The following LYPLAL1 variants were observed in gnomAD, a reference collection of about 807,000 sequenced individuals.
LYPLAL1 encodes lysophospholipase like 1.
A neutral mutation model predicts 19.7 loss-of-function variants in LYPLAL1; 23 were observed. That is an observed-to-expected ratio of 1.17 (90% CI 0.84 to 1.65). The LOEUF (loss-of-function observed/expected upper bound fraction) is 1.65, where lower values mean the gene tolerates loss of function less well. LYPLAL1 is among the 40% of genes most tolerant of loss of function. The pLI is 0.00. For missense variants in LYPLAL1, 355 were observed against 279.4 expected (o/e 1.27, Z -1.93); for synonymous variants, 119 against 96.3 (o/e 1.24, Z -1.38).
chr1:219,176,245 A>G lies in LYPLAL1; in HGVS notation c.91+2264A>G, dbSNP rs576705768. Among the ~76,000 whole-genome samples, 17 of 152,318 alleles carry G rather than the reference A, an allele frequency of 1.1e-4. No homozygotes were observed. The South Asian group carries it at 2.9e-3, about 26-fold the overall frequency. On this transcript the variant is annotated intron_variant, in intron 1 of 4. Coordinates refer to ENST00000366928, the MANE Select transcript of LYPLAL1 (RefSeq NM_138794.5). ...TAATGAGTTTTGTTCAGTCTCTCAG[A>G]TCAGATTAATTCACTCTTATTTGCT...
At chr1:219,201,362 T>C (rs1658084655) in intron 3 of LYPLAL1, among the ~76,000 whole-genome samples, 2 of 151,908 alleles carry the variant, frequency 1.3e-5, no homozygotes, top group Non-Finnish European at 2.9e-5. Flanking sequence ...ATCTGGAGTT[T>C]ATTTTTGTTT....
At chr1:219,227,736 A>G in the LYPLAL1 span, among the ~76,000 whole-genome samples, 1 of 152,242 alleles carries the variant, frequency 6.6e-6, no homozygotes, top group Non-Finnish European at 1.5e-5. Context: ...ATGTTATTAT[A>G]TCACCCTTTC....
chr1:219,204,600 A>G (rs937432610), intron 3 of LYPLAL1, among the ~76,000 whole-genome samples: 3 of 152,214 alleles, frequency 2.0e-5, no homozygotes, highest in African/African-American at 7.2e-5. Context: ...AATTGCCATT[A>G]CATGTCAGTG....
At chr1:219,202,407 C>T (rs562616443) in intron 3 of LYPLAL1, among the ~76,000 whole-genome samples, 11 of 152,166 alleles carry the variant, frequency 7.2e-5, no homozygotes, top group Non-Finnish European at 1.2e-4. Context: ...CAGCTGCTTA[C>T]TTTTTCCTCA....
chr1:219,347,057 CCT>C, the LYPLAL1 span, among the ~76,000 whole-genome samples: 1 of 152,154 alleles, frequency 6.6e-6, no homozygotes, highest in South Asian at 2.1e-4. Context: ...TGTTAATCTT[CCT>C]CTTTTTTAGC....
At chr1:219,250,245 T>A in the LYPLAL1 span, among the ~76,000 whole-genome samples, 6 of 151,864 alleles carry the variant, frequency 4.0e-5, no homozygotes, top group Admixed American at 2.6e-4. Flanking sequence ...GATATTCAAC[T>A]TACATAGAAC....
intron 3 of LYPLAL1, among the ~76,000 whole-genome samples, chr1:219,196,316 C>T (rs1232804226): frequency 2.0e-5 from 3 of 152,098 alleles, no homozygotes; most frequent in African/African-American, 7.2e-5. Flanking sequence ...GTTCCTGTTT[C>T]TCCACAGCCT....
At chr1:219,277,461 T>C in the LYPLAL1 span, among the ~76,000 whole-genome samples, 1 of 152,074 alleles carries the variant, frequency 6.6e-6, no homozygotes, top group Non-Finnish European at 1.5e-5. Flanking sequence ...TAGAACTCAT[T>C]TCACTTATCT....
chr1:219,267,295 T>C, the LYPLAL1 span, among the ~76,000 whole-genome samples: 18 of 152,120 alleles, frequency 1.2e-4, no homozygotes, highest in African/African-American at 4.1e-4. Context: ...AATGTACCCA[T>C]CTCATAAACT....
the LYPLAL1 span, among the ~76,000 whole-genome samples, chr1:219,233,161 ACAGTGTAATATTATT>A: frequency 1.3e-5 from 2 of 152,370 alleles, no homozygotes; most frequent in South Asian, 4.1e-4. Context: ...TGGCACATAT[ACAGTGTAATATTATT>A]CAGCCTTTAA....
chr1:219,304,767 A>C, the LYPLAL1 span, among the ~76,000 whole-genome samples: 1 of 152,130 alleles, frequency 6.6e-6, no homozygotes, highest in African/African-American at 2.4e-5. Flanking sequence ...ATGAAAACAC[A>C]TATTGAGATG....
At chr1:219,256,898 C>T in the LYPLAL1 span, among the ~76,000 whole-genome samples, 3 of 151,882 alleles carry the variant, frequency 2.0e-5, no homozygotes, top group Non-Finnish European at 2.9e-5. Context: ...TTGCTTTTCA[C>T]CTTAATTTCA....
At chr1:219,241,746 T>G in the LYPLAL1 span, among the ~76,000 whole-genome samples, 26 of 152,280 alleles carry the variant, frequency 1.7e-4, no homozygotes, top group African/African-American at 6.0e-4. Flanking sequence ...AAAATCCATA[T>G]AGAGAGTTTG....
At chr1:219,398,276 G>C in the LYPLAL1 span, among the ~76,000 whole-genome samples, 1 of 151,786 alleles carries the variant, frequency 6.6e-6, no homozygotes, top group African/African-American at 2.4e-5. Context: ...CTCTATTCTT[G>C]TCTGACTGTC....
chr1:219,240,103 A>G, the LYPLAL1 span, among the ~76,000 whole-genome samples: 1 of 152,192 alleles, frequency 6.6e-6, no homozygotes, highest in Admixed American at 6.5e-5. Context: ...ATTACACTAC[A>G]GTTGTATGTC....
At chr1:219,344,411 T>A in the LYPLAL1 span, among the ~76,000 whole-genome samples, 2 of 152,222 alleles carry the variant, frequency 1.3e-5, no homozygotes, top group Admixed American at 6.5e-5. Context: ...TACTTACTGT[T>A]TGTCCTCCTC....
chr1:219,215,745 A>T (rs938539669), downstream of LYPLAL1, among the ~76,000 whole-genome samples: 2 of 152,150 alleles, frequency 1.3e-5, no homozygotes, highest in Non-Finnish European at 2.9e-5. Context: ...TAAGTCAGTA[A>T]GCCAGAGTAG....
chr1:219,385,033 C>G, the LYPLAL1 span, among the ~76,000 whole-genome samples: 8 of 152,106 alleles, frequency 5.3e-5, no homozygotes. Flanking sequence ...TGGGCTTTTT[C>G]TCCCAGTAAT....
chr1:219,428,004 G>A, the LYPLAL1 span, among the ~76,000 whole-genome samples: 1,036 of 152,246 alleles, frequency 6.8e-3, 15 homozygotes, highest in African/African-American at 0.024. Flanking sequence ...CATGACTGTT[G>A]GAAGACTTTT....
Sources: allele counts gnomAD v4.1 joint callset (sites outside exome capture counted in the v4.1 genomes callset), GRCh38; gene constraint gnomAD v4.1.1; transcripts MANE v1.5; gene names NCBI Gene and HGNC (gene_info 2026-07-23, HGNC 2026-07-21).